The following AUTS2 variants were observed in gnomAD, a reference collection of about 807,000 sequenced individuals.
The protein encoded by AUTS2 is autism susceptibility gene 2 protein.
In AUTS2, 17 loss-of-function variants were observed where a neutral mutation model predicts 112.4. The observed-to-expected ratio is 0.15, with a 90% CI of 0.10 to 0.23. The LOEUF is 0.23. Ranked by LOEUF, AUTS2 falls within the 10% of genes least tolerant of loss-of-function variation. The pLI is 1.00. For synonymous variants in AUTS2, 751 were observed against 702.7 expected (o/e 1.07, Z -1.09); for missense variants, 1,510 against 1,701.6 (o/e 0.89, Z 1.98).
chr7:70,560,755 G>T (rs12538714), intron 5 of AUTS2, among the ~76,000 whole-genome samples: 1 of 151,842 alleles, frequency 6.6e-6, no homozygotes, highest in Non-Finnish European at 1.5e-5. Flanking sequence ...CTCCTTTTTT[G>T]TTTTTCCTAG....
At chr7:70,623,993 G>A (rs746445654) in intron 5 of AUTS2, among the ~76,000 whole-genome samples, 3 of 152,150 alleles carry the variant, frequency 2.0e-5, no homozygotes, top group Non-Finnish European at 4.4e-5. Context: ...GGTAATCGTC[G>A]CTGTCTCCTT....
rs543552167 is a variant in AUTS2, at chr7:70,072,455, C to T, written c.523-45677C>T. Among the ~76,000 whole-genome samples, 22 of 152,318 alleles carry T rather than the reference C, an allele frequency of 1.4e-4. No individual in the cohort carries two copies. In the East Asian group the frequency reaches 3.3e-3, roughly 23 times the overall value. On this transcript the variant is annotated intron_variant, in intron 2 of 18. Transcript: ENST00000342771. ...CACTTCATGACAGATGGGTTTCTCT[C>T]GTTTTCCATTTCCTGGTAGCCAGGC...
chr7:70,028,504 C>T (rs959700246), intron 2 of AUTS2, among the ~76,000 whole-genome samples: 1 of 152,158 alleles, frequency 6.6e-6, no homozygotes, highest in Non-Finnish European at 1.5e-5. Flanking sequence ...TTCTGACAGG[C>T]TGACTCACTT....
intron 5 of AUTS2, among the ~76,000 whole-genome samples, chr7:70,626,832 A>G (rs1372830907): frequency 6.6e-6 from 1 of 152,148 alleles, no homozygotes; most frequent in Non-Finnish European, 1.5e-5. Context: ...GTGTTGCTGC[A>G]AAGGACGTGA....
intron 1 of AUTS2, among the ~76,000 whole-genome samples, chr7:69,842,024 A>G (rs936995646): frequency 1.3e-5 from 2 of 152,162 alleles, no homozygotes; most frequent in Non-Finnish European, 2.9e-5. Flanking sequence ...TAGTAGGCAT[A>G]TGGGTGTTTG....
At chr7:69,771,064 A>G (rs1788642232) in intron 1 of AUTS2, among the ~76,000 whole-genome samples, 1 of 152,164 alleles carries the variant, frequency 6.6e-6, no homozygotes, top group South Asian at 2.1e-4. Flanking sequence ...ATGGAGGAGG[A>G]TTCAGAACTT....
intron 1 of AUTS2, among the ~76,000 whole-genome samples, chr7:69,756,107 C>T (rs1277306848): frequency 1.3e-5 from 2 of 152,190 alleles, no homozygotes; most frequent in African/African-American, 2.4e-5. Flanking sequence ...AAAGTGGCCA[C>T]CTGTACCATT....
At chr7:70,529,627 G>A (rs535433987) in intron 5 of AUTS2, among the ~76,000 whole-genome samples, 30 of 152,288 alleles carry the variant, frequency 2.0e-4, no homozygotes, top group African/African-American at 5.1e-4. Context: ...TGTCCTTCAC[G>A]CTGCTGGCAT....
chr7:70,785,004 C>T lies in AUTS2; in HGVS notation c.2209C>T (p.Pro737Ser). 1 of 1,614,210 alleles carries T rather than the reference C, an allele frequency of 6.2e-7. No homozygotes were observed. Among genetic ancestry groups the T allele is most frequent in the South Asian group, 1.1e-5 (1 of 91,082 alleles). The change falls in exon 16 of 19, where the codon CCT becomes TCT. Residue 737 changes from proline to serine, a missense_variant. Around this residue, in one of 3 missense-constraint regions of AUTS2, gnomAD observed 788 missense variants for 797.6 expected, o/e 0.99. Coordinates refer to ENST00000342771, the MANE Select transcript of AUTS2 (RefSeq NM_015570.4). The stretch of plus-strand genomic sequence containing the variant: ...TCCTCATCACAGCAACTTCCTCAAC[C>T]CTGCTGCCCACCTAGGTGAGTCGCC... ...PPPHHSNFLN[P>S]AAHLEPFNRP...
intron 6 of AUTS2, among the ~76,000 whole-genome samples, chr7:70,736,750 G>A (rs894915442): frequency 4.6e-5 from 7 of 152,154 alleles, no homozygotes; most frequent in South Asian, 2.1e-4. Flanking sequence ...CATTCCTAAC[G>A]CCGGCTTATC....
At chr7:70,744,369 C>T (rs1023180017) in intron 6 of AUTS2, among the ~76,000 whole-genome samples, 25 of 152,154 alleles carry the variant, frequency 1.6e-4, no homozygotes, top group South Asian at 8.3e-4. Context: ...AGCACATCCT[C>T]GGTTTGGGGC....
At chr7:70,744,128 C>T (rs542967251) in intron 6 of AUTS2, among the ~76,000 whole-genome samples, 108 of 152,180 alleles carry the variant, frequency 7.1e-4, no homozygotes, top group African/African-American at 2.2e-3. Context: ...TGTTTTTCCT[C>T]GGGGGATGTT....
chr7:70,626,866 T>C (rs748344892), intron 5 of AUTS2, among the ~76,000 whole-genome samples: 26 of 152,222 alleles, frequency 1.7e-4, no homozygotes, highest in Non-Finnish European at 3.5e-4. Context: ...TCTGGCTGCA[T>C]AGTATTCCAT....
At position 69,724,666 on chromosome 7, in the gene AUTS2, A is replaced by G. The variant is rs551562817; in HGVS notation, c.309+124704A>G. The stretch of plus-strand genomic sequence containing the variant: ...TTTGATCGAATGTTACTGCTTAGGG[A>G]TAAATATTAATAACCACAAACTCTC... On this transcript the variant is annotated intron_variant, in intron 1 of 18. Coordinates refer to ENST00000342771, the MANE Select transcript of AUTS2 (RefSeq NM_015570.4). Among the ~76,000 whole-genome samples, 101 of 152,318 alleles carry G rather than the reference A, an allele frequency of 6.6e-4. 1 individual carries two copies. Among genetic ancestry groups the G allele is most frequent in the African/African-American group, 2.3e-3 (96 of 41,580 alleles).
chr7:70,134,148 C>T (rs1282147376), intron 3 of AUTS2, among the ~76,000 whole-genome samples: 1 of 152,088 alleles, frequency 6.6e-6, no homozygotes, highest in Non-Finnish European at 1.5e-5. Context: ...TTTGCGGCCA[C>T]AAAACTGAGT....
At chr7:70,097,915 G>T (rs886980065) in intron 2 of AUTS2, among the ~76,000 whole-genome samples, 2 of 152,216 alleles carry the variant, frequency 1.3e-5, no homozygotes, top group Admixed American at 6.5e-5. Flanking sequence ...AGTCTGTACA[G>T]AACAGATGAG....
chr7:70,120,824 T>G (rs28657792), intron 3 of AUTS2, among the ~76,000 whole-genome samples: 12,212 of 152,194 alleles, frequency 0.08, 627 homozygotes, highest in African/African-American at 0.13. Flanking sequence ...TCCAACAATC[T>G]TTTTTTGCAA....
At chr7:70,716,629 T>G in intron 6 of AUTS2, among the ~76,000 whole-genome samples, 1 of 82,272 alleles carries the variant, frequency 1.2e-5, no homozygotes, top group African/African-American at 5.4e-5. Flanking sequence ...AGAGCGAGAC[T>G]CCGTCTCAAA....
intron 4 of AUTS2, among the ~76,000 whole-genome samples, chr7:70,364,071 C>T (rs1792417827): frequency 6.6e-6 from 1 of 152,056 alleles, no homozygotes; most frequent in African/African-American, 2.4e-5. Context: ...TTTATTTCAG[C>T]AGGGTTTGTG....
Sources: gnomAD v4.1 joint callset for allele counts (sites outside exome capture counted in the v4.1 genomes callset) on GRCh38, gnomAD v4.1.1 for gene constraint, gnomAD v4.1.1 regional missense constraint, MANE v1.5 for transcripts, NCBI Gene and HGNC (gene_info 2026-07-23, HGNC 2026-07-21) for gene names.